RBFOX1: variants seen among roughly 807,000 people sequenced by gnomAD.
RBFOX1 encodes RNA binding protein fox-1 homolog 1.
In RBFOX1, 8 loss-of-function variants were observed where a neutral mutation model predicts 57.7. That is an observed-to-expected ratio of 0.14 (90% CI 0.08 to 0.25). The LOEUF is 0.25. RBFOX1 is among the 10% of genes least tolerant of loss of function. RBFOX1 has a pLI of 1.00. For synonymous variants in RBFOX1, 326 were observed against 222.4 expected, an observed-to-expected ratio of 1.47 and a Z score of -4.15; for missense variants, 611 against 548.5, an observed-to-expected ratio of 1.11 and a Z score of -1.14.
At chr16:6,086,345 C>G (rs149790279) in intron 1 of RBFOX1, among the ~76,000 whole-genome samples, 2 of 152,284 alleles carry the variant, frequency 1.3e-5, no homozygotes, top group East Asian at 3.9e-4. Flanking sequence ...CATTCCATCT[C>G]TCACATTTTT....
chr16:6,796,014 C>G (rs934098364), intron 3 of RBFOX1, among the ~76,000 whole-genome samples: 19 of 151,940 alleles, frequency 1.3e-4, no homozygotes, highest in African/African-American at 4.4e-4. Context: ...CTGTATTAGT[C>G]CATTTTCATG....
At chr16:7,177,407 C>T (rs967700518) in intron 4 of RBFOX1, among the ~76,000 whole-genome samples, 1 of 151,908 alleles carries the variant, frequency 6.6e-6, no homozygotes, top group Admixed American at 6.6e-5. Flanking sequence ...TGTAAATACC[C>T]TGACTTGATC....
intron 4 of RBFOX1, among the ~76,000 whole-genome samples, chr16:7,421,839 C>T (rs1005396592): frequency 6.6e-6 from 1 of 152,212 alleles, no homozygotes; most frequent in Non-Finnish European, 1.5e-5. Flanking sequence ...TTTGTAAGGG[C>T]ATGCAAATAG....
chr16:5,524,544 CTTT>C (rs35257382), intron 2 of RBFOX1, among the ~76,000 whole-genome samples: 3 of 139,964 alleles, frequency 2.1e-5, no homozygotes, highest in African/African-American at 2.7e-5. Context: ...GTAGTAGTTG[CTTT>C]TTTTTTTTTT....
At chr16:6,182,752 C>G (rs191712281) in intron 1 of RBFOX1, among the ~76,000 whole-genome samples, 2 of 152,266 alleles carry the variant, frequency 1.3e-5, no homozygotes, top group African/African-American at 4.8e-5. Context: ...AATAGGGTAC[C>G]TCTAACTTAC....
chr16:6,526,630 A>G (rs2096581479), intron 2 of RBFOX1, among the ~76,000 whole-genome samples: 2 of 152,040 alleles, frequency 1.3e-5, no homozygotes, highest in African/African-American at 2.4e-5. Context: ...GGAAATCAAG[A>G]CCATCCTGGC....
chr16:6,521,799 A>C (rs1179608552), intron 2 of RBFOX1, among the ~76,000 whole-genome samples: 1 of 152,126 alleles, frequency 6.6e-6, no homozygotes, highest in East Asian at 1.9e-4. Flanking sequence ...GTGATTCTTA[A>C]AGCTAAATAG....
intron 3 of RBFOX1, chr16:6,704,162 T>C (rs2062315000): frequency 6.6e-6 from 1 of 152,202 alleles, no homozygotes; most frequent in Non-Finnish European, 1.5e-5. Flanking sequence ...GCATTGTTAT[T>C]ATCATCCCCA....
chr16:6,361,283 A>T (rs1490830557), intron 2 of RBFOX1, among the ~76,000 whole-genome samples: 7 of 152,148 alleles, frequency 4.6e-5, no homozygotes, highest in African/African-American at 1.7e-4. Flanking sequence ...TGGGGAAAAG[A>T]TGTAGACAAG....
chr16:7,025,038 G>C (rs1229228424), intron 3 of RBFOX1, among the ~76,000 whole-genome samples: 1 of 152,136 alleles, frequency 6.6e-6, no homozygotes, highest in Non-Finnish European at 1.5e-5. Flanking sequence ...AGCGTTCTCA[G>C]ATCTCCCGCA....
At chr16:7,694,661 A>T (rs2078232635) in intron 14 of RBFOX1, among the ~76,000 whole-genome samples, 2 of 152,186 alleles carry the variant, frequency 1.3e-5, no homozygotes, top group South Asian at 4.1e-4. Context: ...CGACATCCTT[A>T]ACACTTTACT....
At chr16:6,181,112 AT>A (rs749555124) in intron 1 of RBFOX1, among the ~76,000 whole-genome samples, 5 of 152,248 alleles carry the variant, frequency 3.3e-5, no homozygotes, top group Non-Finnish European at 4.4e-5. Flanking sequence ...CTGCTTCAGG[AT>A]TAATCTGAAA....
rs746798605 is a variant in RBFOX1, at chr16:6,891,465, T to TAG, written c.-15-160573_-15-160572dup. On this transcript the variant is annotated intron_variant, in intron 3 of 15. Transcript: ENST00000550418. ...GATGAAGACACATACACACACACAC[T>TAG]AGAGAGAGAGAGAGAGAGAGGAGAG... Among the ~76,000 whole-genome samples, 1,379 of 148,508 alleles carry TAG rather than the reference T, an allele frequency of 9.3e-3. 17 individuals are homozygous for TAG. The highest frequency in any genetic ancestry group is 0.021 in the African/African-American group (848 of 40,596).
chr16:6,699,856 C>A (rs1026955521), intron 3 of RBFOX1, among the ~76,000 whole-genome samples: 2 of 152,094 alleles, frequency 1.3e-5, no homozygotes, highest in African/African-American at 4.8e-5. Flanking sequence ...GGGGTCTGGG[C>A]ACTAAGGATA....
At chr16:5,828,795 G>C (rs2056165347) in intron 3 of RBFOX1, among the ~76,000 whole-genome samples, 1 of 152,176 alleles carries the variant, frequency 6.6e-6, no homozygotes, top group Admixed American at 6.5e-5. Context: ...GGAAGAGTAT[G>C]GTGTGCCTGT....
chr16:6,419,948 C>G (rs756778146), intron 2 of RBFOX1, among the ~76,000 whole-genome samples: 1 of 152,096 alleles, frequency 6.6e-6, no homozygotes, highest in Non-Finnish European at 1.5e-5. Context: ...GCTGCAGGCC[C>G]CCCCATCCCT....
chr16:6,592,369 G>A (rs559412202), intron 2 of RBFOX1, among the ~76,000 whole-genome samples: 7 of 152,168 alleles, frequency 4.6e-5, no homozygotes, highest in Non-Finnish European at 8.8e-5. Flanking sequence ...AGGGTCTTTG[G>A]ATGGGTGCTT....
chr16:5,313,164 C>A (rs1003072586), intron 1 of RBFOX1, among the ~76,000 whole-genome samples: 3 of 152,302 alleles, frequency 2.0e-5, no homozygotes, highest in African/African-American at 4.8e-5. Context: ...AAAGCCCGGG[C>A]AGGGATGCTC....
intron 3 of RBFOX1, among the ~76,000 whole-genome samples, chr16:7,019,120 A>G (rs1312056420): frequency 6.6e-6 from 1 of 152,052 alleles, no homozygotes; most frequent in African/African-American, 2.4e-5. Flanking sequence ...ACTGAGAGGT[A>G]ATGATACTGA....
Sources: gnomAD v4.1 joint callset for allele counts (sites outside exome capture counted in the v4.1 genomes callset) on GRCh38, gnomAD v4.1.1 for gene constraint, MANE v1.5 for transcripts, NCBI Gene and HGNC (gene_info 2026-07-23, HGNC 2026-07-21) for gene names.